CEP126: variants seen among roughly 807,000 people sequenced by gnomAD.
CEP126 encodes centrosomal protein 126.
A neutral mutation model predicts 107.8 loss-of-function variants in CEP126; 74 were observed. That is an observed-to-expected ratio of 0.69 (90% confidence interval 0.57 to 0.83). The LOEUF (loss-of-function observed/expected upper bound fraction) is 0.83. CEP126 is among the 40% of genes least tolerant of loss of function. The pLI, the probability that CEP126 is intolerant of heterozygous loss-of-function variation, is 0.00. For missense variants in CEP126, 1,237 were observed against 1,281.9 expected, an observed-to-expected ratio of 0.96 and a Z score of 0.53; for synonymous variants, 449 against 446.0, an observed-to-expected ratio of 1.01 and a Z score of -0.08.
chr11:101,991,028 T>C (rs971770838), intron 9 of CEP126, among the ~76,000 whole-genome samples: 12 of 151,534 alleles, frequency 7.9e-5, no homozygotes, highest in Non-Finnish European at 1.6e-4. Context: ...AAAAAAAAAT[T>C]AGTCAGGCAT....
At chr11:101,949,901 G>T (rs2137100645) in intron 4 of CEP126, among the ~76,000 whole-genome samples, 1 of 152,274 alleles carries the variant, frequency 6.6e-6, no homozygotes, top group South Asian at 2.1e-4. Context: ...CCTAGGGAGA[G>T]GAATGTAAGC....
chr11:101,915,906 T>C (rs1350857085), intron 1 of CEP126: 2 of 152,392 alleles, frequency 1.3e-5, no homozygotes. Flanking sequence ...GTTTTCCATC[T>C]CTGCCCAGTC....
chr11:101,957,023 A>T (rs920942984), intron 4 of CEP126: 3 of 302,642 alleles, frequency 9.9e-6, no homozygotes, highest in African/African-American at 6.7e-5. Flanking sequence ...GGGAAGGATT[A>T]TCTAAGAGTA....
At chr11:101,963,922 C>G in intron 6 of CEP126, 42 bp downstream of exon 6, 1 of 1,320,402 alleles carries the variant, frequency 7.6e-7, no homozygotes, top group Non-Finnish European at 1.1e-6. Flanking sequence ...AAATGTACAC[C>G]TTTGTTAAAG....
chr11:101,977,403 C>T (rs980160308), intron 6 of CEP126, among the ~76,000 whole-genome samples: 10 of 151,788 alleles, frequency 6.6e-5, no homozygotes, highest in Non-Finnish European at 2.9e-5. Flanking sequence ...GAGGACGAGG[C>T]GGGCAGATCA....
Position 101,997,593 on chromosome 11 carries a change from T to C in CEP126, c.3310-6T>C. 1 of 1,613,988 alleles carries C rather than the reference T, an allele frequency of 6.2e-7. No homozygotes were observed. Among genetic ancestry groups the C allele is most frequent in the Non-Finnish European group, 8.5e-7 (1 of 1,179,964 alleles). On this transcript the variant is annotated splice_polypyrimidine_tract_variant and splice_region_variant and intron_variant, in intron 10 of 10. Transcript: ENST00000263468. ...TGCATGCTTGTTTCTTCTTTCTGAT[T>C]TCCAGGAGAAGAGAGAAGATAGAAC...
intron 2 of CEP126, among the ~76,000 whole-genome samples, chr11:101,935,865 C>T (rs1488395774): frequency 6.6e-6 from 1 of 151,998 alleles, no homozygotes; most frequent in African/African-American, 2.4e-5. Context: ...CAGTAGCACA[C>T]ACCAGTCATG....
In CEP126 at chr11:101,963,183, T is replaced by G. The variant is rs769580063; in HGVS notation, c.2148T>G (p.Pro716=). The G allele has an allele frequency of 7.4e-6, 12 of 1,614,028 alleles. No homozygotes were observed. In the African/African-American group the frequency reaches 1.6e-4, roughly 22 times the overall value. ...ADHMPLNCFI[P]SGYNFAKHAW... ...ATATGCCTTTGAACTGTTTTATACCTTCAGGTTATAACTTTGCTAAACATG... is the reference window on the plus strand; with the variant it reads ...ATATGCCTTTGAACTGTTTTATACCGTCAGGTTATAACTTTGCTAAACATG... Residue 716 remains proline (P), a synonymous_variant, in exon 6 of 11, where the codon CCT becomes CCG. Transcript: ENST00000263468.
At chr11:101,994,095 C>T (rs776184578) in intron 10 of CEP126, among the ~76,000 whole-genome samples, 1 of 152,088 alleles carries the variant, frequency 6.6e-6, no homozygotes, top group Non-Finnish European at 1.5e-5. Context: ...ACTAGCCAGG[C>T]GTGGTGGTGT....
chr11:101,949,187 G>C lies in CEP126; in HGVS notation c.506+1045G>C, dbSNP rs1369226912. ...GGAGTAAGAGTATGTGTACATCATA[G>C]AATGCAAAATACAGATGGCTTTGCC... On this transcript the variant is annotated intron_variant, in intron 4 of 10. Coordinates refer to ENST00000263468, the MANE Select transcript of CEP126 (RefSeq NM_020802.4). Among the ~76,000 whole-genome samples the C allele has an allele frequency of 2.0e-5, 3 of 152,184 alleles. No individual in the cohort carries two copies. The East Asian group carries it at 5.8e-4, about 29-fold the overall frequency.
chr11:101,975,934 A>G (rs796602437), intron 6 of CEP126, among the ~76,000 whole-genome samples: 9 of 152,286 alleles, frequency 5.9e-5, no homozygotes, highest in African/African-American at 1.7e-4. Flanking sequence ...TTATGGCTGC[A>G]TAGTACTCCA....
intron 7 of CEP126, among the ~76,000 whole-genome samples, chr11:101,979,014 C>G (rs374782547): frequency 1.3e-5 from 2 of 152,028 alleles, no homozygotes; most frequent in East Asian, 3.9e-4. Flanking sequence ...TGCCTGTAAT[C>G]CCAGCTACTC....
chr11:101,940,379 A>G (rs1940646975), intron 2 of CEP126, among the ~76,000 whole-genome samples: 1 of 149,646 alleles, frequency 6.7e-6, no homozygotes. Context: ...AAAGAAGAAA[A>G]CAAACAATTT....
intron 2 of CEP126, among the ~76,000 whole-genome samples, chr11:101,928,697 G>C (rs1940447297): frequency 6.6e-6 from 1 of 152,098 alleles, no homozygotes; most frequent in Non-Finnish European, 1.5e-5. Flanking sequence ...AATCAGTTGA[G>C]CATATTTGTA....
intron 6 of CEP126, among the ~76,000 whole-genome samples, chr11:101,969,636 T>A (rs1461011800): frequency 6.6e-6 from 1 of 152,202 alleles, no homozygotes; most frequent in Non-Finnish European, 1.5e-5. Context: ...CTGAGTCTAA[T>A]ATTTATATGG....
chr11:101,934,083 T>A lies in CEP126; in HGVS notation c.249-10182T>A, dbSNP rs568923886. On this transcript the variant is annotated intron_variant, in intron 2 of 10. Coordinates refer to ENST00000263468, the MANE Select transcript of CEP126 (RefSeq NM_020802.4). ...TTCGCTCTTTGTTTTCATTTCTGGC[T>A]ATTGCTCTCCCTTTTCTCTAAAATC... Among the ~76,000 whole-genome samples the A allele has an allele frequency of 4.1e-4, 63 of 152,144 alleles. No homozygotes were observed. The South Asian group carries it at 0.012, about 30-fold the overall frequency.
chr11:101,920,985 A>C (rs1354545914), intron 1 of CEP126, among the ~76,000 whole-genome samples: 1 of 152,228 alleles, frequency 6.6e-6, no homozygotes, highest in African/African-American at 2.4e-5. Context: ...AAATTTGATA[A>C]AGATACTTAA....
intron 3 of CEP126, among the ~76,000 whole-genome samples, chr11:101,946,141 TC>T (rs889015291): frequency 6.6e-6 from 1 of 151,934 alleles, no homozygotes; most frequent in Non-Finnish European, 1.5e-5. Flanking sequence ...TCCATATTCA[TC>T]CTTTTTTTTT....
chr11:101,946,224 G>A (rs1940734633), intron 3 of CEP126, among the ~76,000 whole-genome samples: 1 of 151,860 alleles, frequency 6.6e-6, no homozygotes, highest in Non-Finnish European at 1.5e-5. Context: ...ATATAATCAC[G>A]GCCAGCCGAG....
Sources: gnomAD v4.1 joint callset for allele counts (sites outside exome capture counted in the v4.1 genomes callset) on GRCh38, gnomAD v4.1.1 for gene constraint, MANE v1.5 for transcripts, NCBI Gene and HGNC (gene_info 2026-07-23, HGNC 2026-07-21) for gene names.